Variants in ACOT12 observed in about 807,000 individuals in gnomAD.
ACOT12 encodes the protein acyl-CoA thioesterase 12, also known as acetyl-coenzyme A thioesterase.
In ACOT12, 51 loss-of-function variants were observed where a neutral mutation model predicts 67.7. The ratio of observed to expected loss-of-function variants is 0.75; its 90% CI spans 0.60 to 0.95. The LOEUF (loss-of-function observed/expected upper bound fraction) is 0.95. ACOT12 is among the 40% of genes least tolerant of loss of function. The pLI is 0.00. For missense variants in ACOT12, 734 were observed against 708.1 expected (o/e 1.04, Z -0.41); for synonymous variants, 251 against 244.6 (o/e 1.03, Z -0.24).
At chr5:81,331,056 A>G in intron 13 of ACOT12, 116 bp from the exon 14 acceptor site, 2 of 1,202,084 alleles carry the variant, frequency 1.7e-6, no homozygotes, top group South Asian at 2.1e-5. Context: ...ATGAAGGCCC[A>G]GATCTTCTAG....
At chr5:81,331,081 C>T (rs1275016840) in intron 13 of ACOT12, 141 bp from the exon 14 acceptor site, 1 of 937,514 alleles carries the variant, frequency 1.1e-6, no homozygotes, top group South Asian at 2.7e-5. Context: ...GTGGTCTCAT[C>T]AGAAAACACT....
chr5:81,322,125 G>A, the ACOT12 span, among the ~76,000 whole-genome samples: 2 of 151,980 alleles, frequency 1.3e-5, no homozygotes, highest in Admixed American at 6.6e-5. Flanking sequence ...TTTTTTAAAT[G>A]GCCAAGAATT....
intron 5 of ACOT12, among the ~76,000 whole-genome samples, chr5:81,349,520 C>T (rs1375321154): frequency 6.6e-6 from 1 of 152,164 alleles, no homozygotes; most frequent in East Asian, 1.9e-4. Context: ...TCTTCAATTT[C>T]ACTCATACTC....
intron 11 of ACOT12, among the ~76,000 whole-genome samples, chr5:81,339,688 T>G (rs72771177): frequency 6.6e-6 from 1 of 152,356 alleles, no homozygotes; most frequent in Non-Finnish European, 1.5e-5. Flanking sequence ...ATAAACGACC[T>G]TATAATTATT....
intron 5 of ACOT12, among the ~76,000 whole-genome samples, chr5:81,357,570 T>C (rs949252841): frequency 4.6e-5 from 7 of 152,060 alleles, no homozygotes; most frequent in Non-Finnish European, 1.0e-4. Flanking sequence ...ACCCTCTTCC[T>C]GGTGGGCAGC....
chr5:81,343,996 G>A (rs929216719), intron 9 of ACOT12, 115 bp from the exon 10 acceptor site: 15 of 1,207,204 alleles, frequency 1.2e-5, no homozygotes, highest in African/African-American at 6.1e-5. Context: ...GTGGAACAAC[G>A]TGGAAGAACT....
intron 1 of ACOT12, among the ~76,000 whole-genome samples, chr5:81,388,522 A>G (rs1307816501): frequency 6.6e-6 from 1 of 152,232 alleles, no homozygotes; most frequent in Non-Finnish European, 1.5e-5. Context: ...AGTAGGTACG[A>G]AATGATGACT....
At chr5:81,310,853 A>G in the ACOT12 span, among the ~76,000 whole-genome samples, 2 of 152,238 alleles carry the variant, frequency 1.3e-5, no homozygotes, top group African/African-American at 4.8e-5. Flanking sequence ...GCATCTGCTT[A>G]CATCTTTTGT....
intron 4 of ACOT12, among the ~76,000 whole-genome samples, chr5:81,360,695 T>C (rs1370540049): frequency 1.3e-5 from 2 of 151,808 alleles, no homozygotes; most frequent in South Asian, 2.1e-4. Context: ...GAAGCTGGAC[T>C]GGGGTAGCTC....
At chr5:81,379,720 A>T (rs1393449959) in intron 2 of ACOT12, among the ~76,000 whole-genome samples, 1 of 152,182 alleles carries the variant, frequency 6.6e-6, no homozygotes, top group African/African-American at 2.4e-5. Context: ...TGCAATTCAT[A>T]CTATTTTAAT....
intron 4 of ACOT12, 82 bp from the exon 5 acceptor site, chr5:81,360,120 G>A: frequency 7.2e-7 from 1 of 1,394,552 alleles, no homozygotes; most frequent in Non-Finnish European, 9.8e-7. Context: ...CAAATGATAT[G>A]CTACATGGTT....
At chr5:81,339,356 A>G (rs1759117209) in intron 11 of ACOT12, among the ~76,000 whole-genome samples, 3 of 152,118 alleles carry the variant, frequency 2.0e-5, no homozygotes. Flanking sequence ...GGTCTGTCCT[A>G]TGTAAAGGTT....
At chr5:81,346,055 A>T in intron 6 of ACOT12, 51 bp from the exon 7 acceptor site, 2 of 1,599,488 alleles carry the variant, frequency 1.3e-6, no homozygotes, top group South Asian at 2.3e-5. Flanking sequence ...ACATTCATTC[A>T]TCGAACAAAT....
chr5:81,369,648 A>G (rs1408618171), intron 3 of ACOT12, among the ~76,000 whole-genome samples: 1 of 152,224 alleles, frequency 6.6e-6, no homozygotes, highest in African/African-American at 2.4e-5. Context: ...TTTCCCCAGC[A>G]TCAGAAATCT....
chr5:81,361,708 C>T (rs1367824198), intron 4 of ACOT12, among the ~76,000 whole-genome samples: 2 of 152,228 alleles, frequency 1.3e-5, no homozygotes, highest in Non-Finnish European at 2.9e-5. Context: ...TGAGGCTGGC[C>T]TGTGCTTGCT....
chr5:81,371,072 A>G (rs1186856024), intron 3 of ACOT12, among the ~76,000 whole-genome samples: 1 of 152,194 alleles, frequency 6.6e-6, no homozygotes, highest in Non-Finnish European at 1.5e-5. Context: ...TTTCTGTCAG[A>G]GGTTGAGGGG....
chr5:81,340,580 T>C (rs1168896641), intron 11 of ACOT12, among the ~76,000 whole-genome samples: 4 of 152,144 alleles, frequency 2.6e-5, no homozygotes, highest in African/African-American at 9.7e-5. Context: ...CAGGCTGGTC[T>C]TGAACCCCTG....
chr5:81,392,220 C>T lies in ACOT12; in HGVS notation c.127+1768G>A, dbSNP rs1020022228. On this transcript the variant is annotated intron_variant, in intron 1 of 14. Transcript: ENST00000307624. The stretch of plus-strand genomic sequence containing the variant: ...CAGTAATGTGGCTAAAGAGATAATG[C>T]TGGCCTATAAAAAACTCTGAGAAAA... Among the ~76,000 whole-genome samples, 3 of 152,220 alleles carry T rather than the reference C, an allele frequency of 2.0e-5. No homozygotes were observed. In the East Asian group the frequency reaches 5.8e-4, roughly 29 times the overall value.
the ACOT12 span, among the ~76,000 whole-genome samples, chr5:81,317,945 C>T: frequency 6.7e-6 from 1 of 148,876 alleles, no homozygotes; most frequent in Non-Finnish European, 1.5e-5. Context: ...TGCAGTGGCA[C>T]AATCTCCGCT....
Sources: allele counts gnomAD v4.1 joint callset (sites outside exome capture counted in the v4.1 genomes callset), GRCh38; gene constraint gnomAD v4.1.1; transcripts MANE v1.5; gene names NCBI Gene and HGNC (gene_info 2026-07-23, HGNC 2026-07-21).